PAPSS1: variants seen among roughly 807,000 people sequenced by gnomAD.
PAPSS1 encodes the protein bifunctional 3'-phosphoadenosine 5'-phosphosulfate synthase 1.
PAPSS1 carries 50 observed loss-of-function variants against 72.0 expected under a neutral mutation model. The observed-to-expected ratio is 0.69, with a 90% confidence interval of 0.55 to 0.88. The LOEUF (loss-of-function observed/expected upper bound fraction) is 0.88, where lower values mean the gene tolerates loss of function less well. PAPSS1 is among the 40% of genes least tolerant of loss of function. PAPSS1 has a pLI of 0.00. For synonymous variants in PAPSS1, 261 were observed against 263.6 expected (o/e 0.99, Z 0.09); for missense variants, 657 against 782.2 (o/e 0.84, Z 1.91).
chr4:107,704,809 G>T (rs1327234521), intron 1 of PAPSS1, among the ~76,000 whole-genome samples: 1 of 152,042 alleles, frequency 6.6e-6, no homozygotes. Flanking sequence ...AAATTAGCCG[G>T]GAATGGTGGC....
intron 5 of PAPSS1, among the ~76,000 whole-genome samples, chr4:107,665,144 A>G (rs949660687): frequency 2.0e-5 from 3 of 152,238 alleles, no homozygotes; most frequent in African/African-American, 7.2e-5. Context: ...AACTGGGAGC[A>G]TCTGCTCAGT....
chr4:107,668,968 A>T (rs1341001959), intron 5 of PAPSS1, among the ~76,000 whole-genome samples: 7 of 152,122 alleles, frequency 4.6e-5, no homozygotes, highest in Non-Finnish European at 1.5e-5. Flanking sequence ...CACATACTCT[A>T]AAGCTACATA....
chr4:107,678,689 G>A (rs1214136190), intron 5 of PAPSS1, among the ~76,000 whole-genome samples: 1 of 152,122 alleles, frequency 6.6e-6, no homozygotes, highest in East Asian at 1.9e-4. Context: ...CCAGACACAA[G>A]GGGTCCTGCA....
At chr4:107,678,146 C>T (rs1727709131) in intron 5 of PAPSS1, among the ~76,000 whole-genome samples, 1 of 151,488 alleles carries the variant, frequency 6.6e-6, no homozygotes. Context: ...TGTAACTAAC[C>T]AGCACGTTGT....
At chr4:107,653,747 A>T in intron 8 of PAPSS1, 121 bp from the exon 9 acceptor site, 1 of 622,138 alleles carries the variant, frequency 1.6e-6, no homozygotes, top group Non-Finnish European at 2.5e-6. Flanking sequence ...GGTAAATCTG[A>T]CTTATCAACT....
At chr4:107,627,863 A>G (rs1456376210) in intron 11 of PAPSS1, among the ~76,000 whole-genome samples, 1 of 152,194 alleles carries the variant, frequency 6.6e-6, no homozygotes, top group Non-Finnish European at 1.5e-5. Context: ...AGGTGTACAT[A>G]TATAGTATAT....
chr4:107,715,366 A>G (rs1723605973), intron 1 of PAPSS1, among the ~76,000 whole-genome samples: 1 of 152,152 alleles, frequency 6.6e-6, no homozygotes, highest in Non-Finnish European at 1.5e-5. Flanking sequence ...AGAAAGATCA[A>G]TTCTCTGTTA....
rs1480951471 is a variant in PAPSS1 at position 107,653,046 on chromosome 4, T to C, written c.1237+445A>G. On this transcript the variant is annotated intron_variant, in intron 9 of 11. Coordinates refer to ENST00000265174, the MANE Select transcript of PAPSS1 (RefSeq NM_005443.5). ...GTAAAACATTCTGAGATACATGACA[T>C]TCATATATATATGAATATATATATG... Among the ~76,000 whole-genome samples the C allele has an allele frequency of 3.3e-5, 5 of 151,036 alleles. No homozygotes were observed. The South Asian group carries it at 8.3e-4, about 25-fold the overall frequency.
intron 11 of PAPSS1, among the ~76,000 whole-genome samples, chr4:107,623,282 A>AT (rs11320398): frequency 3.3e-5 from 5 of 151,608 alleles, no homozygotes; most frequent in South Asian, 4.2e-4. Flanking sequence ...TGTAGTTTCC[A>AT]TTTTTTTTCT....
At chr4:107,651,185 C>A (rs1726830658) in intron 9 of PAPSS1, among the ~76,000 whole-genome samples, 1 of 152,078 alleles carries the variant, frequency 6.6e-6, no homozygotes, top group Non-Finnish European at 1.5e-5. Context: ...GAAAAGGGAT[C>A]CCACACTCAA....
At chr4:107,640,567 T>A (rs1726511689) in intron 10 of PAPSS1, among the ~76,000 whole-genome samples, 1 of 152,150 alleles carries the variant, frequency 6.6e-6, no homozygotes, top group Non-Finnish European at 1.5e-5. Context: ...GGGTTTTTTT[T>A]TATTACAAAA....
intron 1 of PAPSS1, among the ~76,000 whole-genome samples, chr4:107,711,567 TCAA>T (rs1188755842): frequency 1.3e-5 from 2 of 152,248 alleles, no homozygotes; most frequent in Non-Finnish European, 2.9e-5. Context: ...ATTGTGGACT[TCAA>T]CATCTTTCAT....
At chr4:107,689,817 C>A (rs1044075242) in intron 3 of PAPSS1, among the ~76,000 whole-genome samples, 5 of 152,290 alleles carry the variant, frequency 3.3e-5, no homozygotes, top group Admixed American at 6.5e-5. Flanking sequence ...ACTCCACTAG[C>A]ACTTCAAACA....
At chr4:107,667,352 T>G (rs1335713010) in intron 5 of PAPSS1, among the ~76,000 whole-genome samples, 1 of 152,150 alleles carries the variant, frequency 6.6e-6, no homozygotes, top group Non-Finnish European at 1.5e-5. Context: ...TAAAGCACTT[T>G]ACTGAGTTCT....
At chr4:107,632,840 A>G (rs1340290226) in intron 10 of PAPSS1, among the ~76,000 whole-genome samples, 2 of 152,216 alleles carry the variant, frequency 1.3e-5, no homozygotes, top group Non-Finnish European at 2.9e-5. Flanking sequence ...TCACTGTTCC[A>G]TATTAAAATA....
chr4:107,664,184 T>G lies in PAPSS1; in HGVS notation c.670-4112A>C, dbSNP rs376390606. ...TCCAGAGAAGAGAAGAATCTCATTC[T>G]CAACTTCAATGGTAAGAAAAACTCT... On this transcript the variant is annotated intron_variant, in intron 5 of 11. Transcript: ENST00000265174. Among the ~76,000 whole-genome samples the G allele has an allele frequency of 1.4e-4, 22 of 152,288 alleles. No homozygotes were observed. In the East Asian group the frequency reaches 3.5e-3, roughly 24 times the overall value.
chr4:107,719,934 T>C (rs1723735895), intron 1 of PAPSS1, 186 bp downstream of exon 1: 1 of 1,381,160 alleles, frequency 7.2e-7, no homozygotes, highest in South Asian at 1.6e-5. Flanking sequence ...ATCCCCACCC[T>C]GCGCCGCGCC....
At chr4:107,715,651 T>G (rs1331150251) in intron 1 of PAPSS1, among the ~76,000 whole-genome samples, 3 of 152,244 alleles carry the variant, frequency 2.0e-5, no homozygotes, top group Non-Finnish European at 2.9e-5. Flanking sequence ...TTTAATTAAC[T>G]GTCTCCCAGG....
chr4:107,696,816 A>G (rs992317691), intron 2 of PAPSS1, among the ~76,000 whole-genome samples: 5 of 152,190 alleles, frequency 3.3e-5, no homozygotes, highest in South Asian at 2.1e-4. Context: ...TTAAAAACCG[A>G]TATTAATGAC....
Sources: allele counts gnomAD v4.1 joint callset (sites outside exome capture counted in the v4.1 genomes callset), GRCh38; gene constraint gnomAD v4.1.1; transcripts MANE v1.5; gene names NCBI Gene and HGNC (gene_info 2026-07-23, HGNC 2026-07-21).